The following FHIP1A variants were observed in gnomAD, a reference collection of about 807,000 sequenced individuals.
FHIP1A encodes the protein FHF complex subunit HOOK interacting protein 1A.
Under a neutral mutation model 88.6 loss-of-function variants are expected in FHIP1A, and 61 were observed. The ratio of observed to expected loss-of-function variants is 0.69; its 90% confidence interval spans 0.56 to 0.85. The LOEUF (loss-of-function observed/expected upper bound fraction) is 0.85. FHIP1A is among the 40% of genes least tolerant of loss of function. The pLI, the probability that FHIP1A is intolerant of heterozygous loss-of-function variation, is 0.00. For synonymous variants in FHIP1A, 478 were observed against 496.0 expected, an observed-to-expected ratio of 0.96 and a Z score of 0.48; for missense variants, 1,154 against 1,273.5, an observed-to-expected ratio of 0.91 and a Z score of 1.43.
At chr4:151,564,721 T>G (rs561617789) in intron 3 of FHIP1A, among the ~76,000 whole-genome samples, 217 of 152,326 alleles carry the variant, frequency 1.4e-3, no homozygotes, top group African/African-American at 5.0e-3. Context: ...GAGTATGTGA[T>G]TTGTGTACTT....
chr4:151,464,610 G>A (rs548473287), intron 2 of FHIP1A, among the ~76,000 whole-genome samples: 1 of 152,138 alleles, frequency 6.6e-6, no homozygotes, highest in South Asian at 2.1e-4. Context: ...ACTGCTCCAA[G>A]TTCTTCCTCT....
Position 151,664,521 on chromosome 4 carries a change from T to G in FHIP1A, c.*1767T>G, listed in dbSNP as rs1428925969. On this transcript the variant is annotated 3_prime_UTR_variant, in exon 14 of 14. Transcript: ENST00000435205. ...TACTCACTGTACATTTCTGTTTGTCTTGACAAATGGTTTGCTCAGCTGTGG... is the reference window on the plus strand; with the variant it reads ...TACTCACTGTACATTTCTGTTTGTCGTGACAAATGGTTTGCTCAGCTGTGG... Among the ~76,000 whole-genome samples, 2 of 152,248 alleles carry G rather than the reference T, an allele frequency of 1.3e-5. No homozygotes were observed. The highest frequency in any genetic ancestry group is 3.9e-4 in the East Asian group (2 of 5,194).
At chr4:151,435,697 A>C (rs1179563292) in intron 1 of FHIP1A, among the ~76,000 whole-genome samples, 1 of 151,972 alleles carries the variant, frequency 6.6e-6, no homozygotes, top group Non-Finnish European at 1.5e-5. Flanking sequence ...AAGCAGGAGA[A>C]TCGCTTGAAC....
chr4:151,467,766 G>A (rs1729372964), intron 2 of FHIP1A, among the ~76,000 whole-genome samples: 1 of 152,002 alleles, frequency 6.6e-6, no homozygotes, highest in African/African-American at 2.4e-5. Flanking sequence ...AATTATAATT[G>A]GGTGTTGAAC....
intron 3 of FHIP1A, among the ~76,000 whole-genome samples, chr4:151,547,334 C>T (rs1446050072): frequency 6.6e-6 from 1 of 152,134 alleles, no homozygotes; most frequent in Admixed American, 6.5e-5. Flanking sequence ...GCAGAGAGGC[C>T]ATAGGCTCAC....
intron 7 of FHIP1A, among the ~76,000 whole-genome samples, chr4:151,623,719 C>T (rs2126868420): frequency 6.6e-6 from 1 of 152,158 alleles, no homozygotes; most frequent in Non-Finnish European, 1.5e-5. Context: ...GATTAAATAA[C>T]ACAATAAAGG....
At chr4:151,610,720 C>T (rs951242255) in intron 7 of FHIP1A, among the ~76,000 whole-genome samples, 3 of 152,132 alleles carry the variant, frequency 2.0e-5, no homozygotes, top group African/African-American at 7.2e-5. Flanking sequence ...TTATCCAAAT[C>T]TTCTCATCCT....
chr4:151,612,904 G>A (rs1051801282), intron 7 of FHIP1A, among the ~76,000 whole-genome samples: 1 of 152,188 alleles, frequency 6.6e-6, no homozygotes, highest in African/African-American at 2.4e-5. Flanking sequence ...AATGAAGTTA[G>A]GGTCACTTTG....
intron 8 of FHIP1A, among the ~76,000 whole-genome samples, chr4:151,635,700 G>A (rs1560812780): frequency 6.6e-6 from 1 of 151,836 alleles, no homozygotes; most frequent in Middle Eastern, 3.2e-3. Flanking sequence ...GAAACAGAGG[G>A]TAAAATGATG....
chr4:151,516,515 A>G (rs1046850367), intron 3 of FHIP1A, among the ~76,000 whole-genome samples: 27 of 152,164 alleles, frequency 1.8e-4, no homozygotes, highest in African/African-American at 5.3e-4. Context: ...TGAACAGGCA[A>G]CCTACAAAAT....
At chr4:151,434,677 A>G (rs190796673) in intron 1 of FHIP1A, among the ~76,000 whole-genome samples, 33 of 152,296 alleles carry the variant, frequency 2.2e-4, no homozygotes, top group East Asian at 1.7e-3. Flanking sequence ...TGGAGTTTAT[A>G]TTATTAGTGA....
At chr4:151,498,273 G>GT (rs981832068) in intron 3 of FHIP1A, among the ~76,000 whole-genome samples, 2 of 152,178 alleles carry the variant, frequency 1.3e-5, no homozygotes, top group African/African-American at 4.8e-5. Context: ...GTAATGTTTG[G>GT]TACCCGTATG....
intron 4 of FHIP1A, among the ~76,000 whole-genome samples, chr4:151,573,281 C>CACACACACACACACACAT (rs1553955325): frequency 1.3e-5 from 2 of 151,892 alleles, no homozygotes; most frequent in African/African-American, 4.8e-5. Context: ...AACACACACA[C>CACACACACACACACACAT]ACACACACAC....
rs1308195584 is a variant in FHIP1A, at chr4:151,662,615, A to G, written c.2984A>G (p.Asn995Ser). 6.4e-7 allele frequency: 1 copy of G among 1,551,396 alleles called. No individual in the cohort carries two copies. Among genetic ancestry groups the G allele is most frequent in the East Asian group, 2.4e-5 (1 of 40,886 alleles). The change falls in exon 14 of 14, where the codon AAC (asparagine) becomes AGC (serine). Residue 995 changes from asparagine (N) to serine (S), a missense_variant. Asn to Ser is a conservative substitution (Grantham distance 46). Coordinates refer to ENST00000435205, the MANE Select transcript of FHIP1A (RefSeq NM_001109977.3). The stretch of plus-strand genomic sequence containing the variant: ...ACCAAGGTGGCTGAGGCACCCCCCA[A>G]CCTGCCCCTGCCGGTGAGGAACCCC... ...HRTKVAEAPP[N>S]LPLPVRNPML...
chr4:151,415,498 A>T (rs1732857172), intron 1 of FHIP1A, among the ~76,000 whole-genome samples: 1 of 152,074 alleles, frequency 6.6e-6, no homozygotes, highest in South Asian at 2.1e-4. Context: ...GTTTATTTAA[A>T]CAGCCTTTTG....
intron 1 of FHIP1A, among the ~76,000 whole-genome samples, chr4:151,437,534 A>G (rs1023053924): frequency 6.6e-6 from 1 of 152,194 alleles, no homozygotes; most frequent in African/African-American, 2.4e-5. Context: ...TTAATCCATG[A>G]GGGTTTCGAA....
chr4:151,494,765 T>C (rs1730400488), intron 3 of FHIP1A, among the ~76,000 whole-genome samples: 1 of 152,344 alleles, frequency 6.6e-6, no homozygotes, highest in South Asian at 2.1e-4. Context: ...TTGGACAGTA[T>C]GGCCATTTTA....
chr4:151,522,303 G>A (rs1372732362), intron 3 of FHIP1A, among the ~76,000 whole-genome samples: 8 of 152,180 alleles, frequency 5.3e-5, no homozygotes, highest in Admixed American at 5.2e-4. Context: ...ATCCCTTCCT[G>A]GATTCAGCTC....
intron 3 of FHIP1A, among the ~76,000 whole-genome samples, chr4:151,546,367 G>A (rs1177184401): frequency 6.6e-6 from 1 of 152,146 alleles, no homozygotes; most frequent in Non-Finnish European, 1.5e-5. Context: ...CACACTACCG[G>A]CATCCAAGGT....
Sources: gnomAD v4.1 joint callset for allele counts (sites outside exome capture counted in the v4.1 genomes callset) on GRCh38, gnomAD v4.1.1 for gene constraint, MANE v1.5 for transcripts, NCBI Gene and HGNC (gene_info 2026-07-23, HGNC 2026-07-21) for gene names.